The following ASTN2 variants were observed in gnomAD, a reference collection of about 807,000 sequenced individuals.
ASTN2 encodes the protein astrotactin-2.
ASTN2 carries 54 observed loss-of-function variants against 139.8 expected under a neutral mutation model. The ratio of observed to expected loss-of-function variants is 0.39; its 90% CI spans 0.31 to 0.48. The LOEUF is 0.48. ASTN2 is among the 20% of genes least tolerant of loss of function. The pLI is 0.95. For missense variants in ASTN2, 1,565 were observed against 1,725.1 expected, an observed-to-expected ratio of 0.91 and a Z score of 1.64; for synonymous variants, 756 against 719.5, an observed-to-expected ratio of 1.05 and a Z score of -0.81.
In ASTN2 at chr9:116,933,979, C is replaced by CTTTTTTTTTTT. The variant is rs148724828; in HGVS notation, c.1889+41218_1889+41228dup. Among the ~76,000 whole-genome samples, 112 of 86,868 alleles carry CTTTTTTTTTTT rather than the reference C, an allele frequency of 1.3e-3. 15 individuals are homozygous for CTTTTTTTTTTT. Among genetic ancestry groups the CTTTTTTTTTTT allele is most frequent in the East Asian group, 2.4e-3 (4 of 1,672 alleles). The allele number at this position is 86,868 out of a possible 152,430, so 57.0% of individuals were successfully genotyped here. A position where few individuals can be genotyped will look rare whatever the true frequency, so the allele number is the denominator to read the frequency against. On this transcript the variant is annotated intron_variant, in intron 10 of 22. Coordinates refer to ENST00000313400, the MANE Select transcript of ASTN2 (RefSeq NM_001365068.1). Reference sequence around the variant, plus strand: ...ACCTCAGTTGTGCGAAGTGTTAGTCCTTTTTTTTTTTTTTTTTTTTTTTCT... The same window carrying CTTTTTTTTTTT: ...ACCTCAGTTGTGCGAAGTGTTAGTCCTTTTTTTTTTTTTTTTTTTTTTTTTTTTTTTTTTCT...
At chr9:116,805,549 C>A (rs1312617298) in intron 13 of ASTN2, 83 bp downstream of exon 13, 2 of 1,295,958 alleles carry the variant, frequency 1.5e-6, no homozygotes, top group Admixed American at 3.6e-5. Flanking sequence ...GGTCTCTACC[C>A]CATTGTGCCC....
chr9:116,975,966 T>C (rs1836330686), intron 9 of ASTN2, 148 bp downstream of exon 9: 1 of 689,070 alleles, frequency 1.5e-6, no homozygotes. Flanking sequence ...TGCGCCATGA[T>C]GGTACATTAG....
intron 12 of ASTN2, among the ~76,000 whole-genome samples, chr9:116,808,030 C>T (rs1191663006): frequency 6.6e-6 from 1 of 152,036 alleles, no homozygotes; most frequent in Non-Finnish European, 1.5e-5. Flanking sequence ...AGGAGAATCA[C>T]TTGAACCTGG....
chr9:117,057,919 A>G (rs1267420266), intron 5 of ASTN2, among the ~76,000 whole-genome samples: 1 of 152,170 alleles, frequency 6.6e-6, no homozygotes, highest in East Asian at 1.9e-4. Context: ...GTCCTACTCC[A>G]TGTCTAGTGT....
At chr9:116,544,613 G>A (rs1479553643) in intron 19 of ASTN2, among the ~76,000 whole-genome samples, 1 of 152,114 alleles carries the variant, frequency 6.6e-6, no homozygotes. Flanking sequence ...TTATTCATGA[G>A]TTATTTGATG....
At chr9:117,226,943 A>C (rs2133048369) in intron 2 of ASTN2, among the ~76,000 whole-genome samples, 1 of 152,332 alleles carries the variant, frequency 6.6e-6, no homozygotes, top group African/African-American at 2.4e-5. Context: ...CCAACAACAA[A>C]GCCTTCTGAG....
At chr9:116,535,162 T>C (rs905368409) in intron 19 of ASTN2, among the ~76,000 whole-genome samples, 1 of 152,224 alleles carries the variant, frequency 6.6e-6, no homozygotes, top group Non-Finnish European at 1.5e-5. Context: ...AAGTCTGTTT[T>C]ATCAGAGTCT....
intron 4 of ASTN2, among the ~76,000 whole-genome samples, chr9:117,096,950 G>C (rs1281791100): frequency 6.6e-6 from 1 of 152,176 alleles, no homozygotes; most frequent in Non-Finnish European, 1.5e-5. Context: ...AAGACACACA[G>C]CGGGAGGCCT....
chr9:116,866,202 A>G (rs1178943704), intron 10 of ASTN2, among the ~76,000 whole-genome samples: 1 of 152,222 alleles, frequency 6.6e-6, no homozygotes, highest in Non-Finnish European at 1.5e-5. Flanking sequence ...GTCTGGAAGG[A>G]AAGTGTGCTA....
chr9:116,939,625 C>T lies in ASTN2; in HGVS notation c.1889+35583G>A, dbSNP rs59036250. Among the ~76,000 whole-genome samples the T allele has an allele frequency of 8.9e-3, 1,343 of 151,214 alleles. 29 individuals are homozygous for T. The highest frequency in any genetic ancestry group is 0.031 in the African/African-American group (1,272 of 41,218). The stretch of plus-strand genomic sequence containing the variant: ...TGTCATTCTTTTGTATTTTTTTTTC[C>T]AAATTGAGCTAATCACACACACATG... On this transcript the variant is annotated intron_variant, in intron 10 of 22. Coordinates refer to ENST00000313400, the MANE Select transcript of ASTN2 (RefSeq NM_001365068.1).
chr9:117,303,843 T>A (rs1268883549), intron 1 of ASTN2, among the ~76,000 whole-genome samples: 2 of 152,188 alleles, frequency 1.3e-5, no homozygotes, highest in Non-Finnish European at 1.5e-5. Flanking sequence ...CAGGACTTTC[T>A]CTAGCCAATG....
intron 16 of ASTN2, among the ~76,000 whole-genome samples, chr9:116,691,751 A>C (rs890446712): frequency 2.0e-5 from 3 of 152,178 alleles, no homozygotes; most frequent in African/African-American, 7.2e-5. Context: ...TGATGACCTC[A>C]CTGAATTCGT....
chr9:116,699,036 C>T lies in ASTN2; in HGVS notation c.2806+26735G>A, dbSNP rs142997889. ...GGCAGATCTACCCAACCTCACTCCTCTCTCAGTGGCAATGAACTGCCAGGG... is the reference window on the plus strand; with the variant it reads ...GGCAGATCTACCCAACCTCACTCCTTTCTCAGTGGCAATGAACTGCCAGGG... On this transcript the variant is annotated intron_variant, in intron 16 of 22. Transcript: ENST00000313400. This position sits in a 1 kb window ranked among gnomAD's most constrained non-coding sequence, Gnocchi z 4.2. 6.2e-7 allele frequency: 1 copy of T among 1,614,198 alleles called. No individual in the cohort carries two copies. Among genetic ancestry groups the T allele is most frequent in the Non-Finnish European group, 8.5e-7 (1 of 1,180,044 alleles).
In ASTN2 at chr9:117,325,697, A is replaced by T. The variant is rs1828491466; in HGVS notation, c.443-34184T>A. Among the ~76,000 whole-genome samples, 3 of 152,270 alleles carry T rather than the reference A, an allele frequency of 2.0e-5. No homozygotes were observed. The South Asian group carries it at 6.2e-4, about 32-fold the overall frequency. On this transcript the variant is annotated intron_variant, in intron 1 of 22. Transcript: ENST00000313400. Reference sequence around the variant, plus strand: ...AATGTTCTGTTGTCAAGATAATGCCACTTTCCCTCACGCCCTCCCAGACAA... The same window carrying T: ...AATGTTCTGTTGTCAAGATAATGCCTCTTTCCCTCACGCCCTCCCAGACAA...
intron 1 of ASTN2, among the ~76,000 whole-genome samples, chr9:117,407,437 G>C (rs1191047359): frequency 6.6e-6 from 1 of 152,208 alleles, no homozygotes; most frequent in African/African-American, 2.4e-5. Flanking sequence ...AATTGTAGTA[G>C]AGAGAAGTGT....
intron 6 of ASTN2, among the ~76,000 whole-genome samples, chr9:117,024,711 C>T (rs1838005516): frequency 1.3e-5 from 2 of 152,090 alleles, no homozygotes; most frequent in Non-Finnish European, 2.9e-5. Context: ...TGAGCTGTCA[C>T]ACTTCCTTAT....
At chr9:117,123,499 T>A (rs1446299501) in intron 4 of ASTN2, among the ~76,000 whole-genome samples, 1 of 152,264 alleles carries the variant, frequency 6.6e-6, no homozygotes, top group Middle Eastern at 3.4e-3. Context: ...ATGAAAATAT[T>A]GTGAAGTACA....
At chr9:117,304,699 T>G (rs1389763389) in intron 1 of ASTN2, among the ~76,000 whole-genome samples, 1 of 152,192 alleles carries the variant, frequency 6.6e-6, no homozygotes, top group Non-Finnish European at 1.5e-5. Flanking sequence ...TTGATTGTAA[T>G]TCAGCCTCTA....
rs188300311 is a variant in ASTN2 at position 116,795,790 on chromosome 9, T to A, written c.2396+9842A>T. Reference sequence around the variant, plus strand: ...GCAGAGAAAGGAATGGTTATTGGGATCCTACTGTGTGCTGGGAGCTTTGCT... The same window carrying A: ...GCAGAGAAAGGAATGGTTATTGGGAACCTACTGTGTGCTGGGAGCTTTGCT... On this transcript the variant is annotated intron_variant, in intron 13 of 22. Transcript: ENST00000313400. 2.6e-5 allele frequency among the ~76,000 whole-genome samples: 4 copies of A among 152,320 alleles called. No individual in the cohort carries two copies. The East Asian group carries it at 7.7e-4, about 29-fold the overall frequency.
Sources: allele counts gnomAD v4.1 joint callset (sites outside exome capture counted in the v4.1 genomes callset), GRCh38; gene constraint gnomAD v4.1.1; non-coding constraint Gnocchi (gnomAD v3.1); transcripts MANE v1.5; gene names NCBI Gene and HGNC (gene_info 2026-07-23, HGNC 2026-07-21).